The following TENM4 variants were observed in gnomAD, a reference collection of about 807,000 sequenced individuals.
TENM4 encodes the protein teneurin transmembrane protein 4, also known as teneurin-4.
Under a neutral mutation model 243.3 loss-of-function variants are expected in TENM4, and 82 were observed. The observed-to-expected ratio is 0.34, with a 90% confidence interval of 0.28 to 0.40. The LOEUF is 0.40. TENM4 is among the 10% of genes least tolerant of loss of function. The probability of loss-of-function intolerance (pLI) is 1.00; values close to 1 mark genes in which losing one functional copy is unlikely to be tolerated. For synonymous variants in TENM4, 1,412 were observed against 1,456.3 expected, an observed-to-expected ratio of 0.97 and a Z score of 0.69; for missense variants, 3,138 against 3,673.3, an observed-to-expected ratio of 0.85 and a Z score of 3.77.
At chr11:79,182,441 C>T (rs192612340) in intron 3 of TENM4, among the ~76,000 whole-genome samples, 97 of 152,038 alleles carry the variant, frequency 6.4e-4, no homozygotes, top group Middle Eastern at 6.8e-3. Flanking sequence ...AGAATTAACT[C>T]GAAATGTAAA....
At chr11:78,935,113 G>A (rs1393471560) in intron 6 of TENM4, among the ~76,000 whole-genome samples, 3 of 142,446 alleles carry the variant, frequency 2.1e-5, no homozygotes, top group Non-Finnish European at 3.0e-5. Context: ...CCGGGTTCAC[G>A]CCATTCTCCT....
rs781726903 is a variant in TENM4, at chr11:78,658,825, G to A, written c.7552-9C>T. 2 of 1,603,644 alleles carry A rather than the reference G, an allele frequency of 1.2e-6. No homozygotes were observed. The highest frequency in any genetic ancestry group is 1.7e-6 in the Non-Finnish European group (2 of 1,172,620). On this transcript the variant is annotated splice_polypyrimidine_tract_variant and intron_variant, in intron 33 of 33. Transcript: ENST00000278550. Reference sequence around the variant, plus strand: ...TGTACCCCGAGGATAGACTGATGGGGGAGGAGAGTGAGAGAGAGAGTAAGA... The same window carrying A: ...TGTACCCCGAGGATAGACTGATGGGAGAGGAGAGTGAGAGAGAGAGTAAGA...
intron 19 of TENM4, among the ~76,000 whole-genome samples, chr11:78,739,855 C>T (rs1005847779): frequency 7.9e-5 from 12 of 152,120 alleles, no homozygotes; most frequent in African/African-American, 2.9e-4. Flanking sequence ...AAACTGGTTT[C>T]CAGAGAGGTT....
rs1004841649 is a variant in TENM4 at position 79,095,279 on chromosome 11, G to A, written c.-65-25270C>T. ...GAAGCTCTGAGAGGGCAGGTGCCTC[G>A]CCCAGGTGGTAAGCAGCAGGGCAGG... On this transcript the variant is annotated intron_variant, in intron 4 of 33. Coordinates refer to ENST00000278550, the MANE Select transcript of TENM4 (RefSeq NM_001098816.3). 5.3e-5 allele frequency among the ~76,000 whole-genome samples: 8 copies of A among 152,124 alleles called. No individual in the cohort carries two copies. The East Asian group carries it at 9.6e-4, about 18-fold the overall frequency.
In TENM4 at chr11:78,689,718, T is replaced by C. The variant is rs371849186; in HGVS notation, c.5088-1492A>G. Among the ~76,000 whole-genome samples, 4 of 152,164 alleles carry C rather than the reference T, an allele frequency of 2.6e-5. No individual in the cohort carries two copies. The South Asian group carries it at 8.3e-4, about 32-fold the overall frequency. Reference sequence around the variant, plus strand: ...GGAATTCTCTGCCCAAGGTCAGACTTGGGTGCTGCACTACAGACTCTGCCA... The same window carrying C: ...GGAATTCTCTGCCCAAGGTCAGACTCGGGTGCTGCACTACAGACTCTGCCA... On this transcript the variant is annotated intron_variant, in intron 28 of 33. Transcript: ENST00000278550.
In TENM4 at chr11:78,745,329, C is replaced by T. The variant is rs58513073; in HGVS notation, c.2757-6759G>A. ...GGAACCTCCACCTACTGGGTTCAAG[C>T]GATTCTTGTGCCTCAGCCTCCTGAG... On this transcript the variant is annotated intron_variant, in intron 19 of 33. Transcript: ENST00000278550. Among the ~76,000 whole-genome samples the T allele has an allele frequency of 6.0e-5, 9 of 150,198 alleles. No individual in the cohort carries two copies. In the East Asian group the frequency reaches 1.6e-3, roughly 26 times the overall value.
intron 1 of TENM4, among the ~76,000 whole-genome samples, chr11:79,423,348 C>T (rs1858977639): frequency 6.6e-6 from 1 of 151,258 alleles, no homozygotes; most frequent in African/African-American, 2.4e-5. Context: ...AGTGAAGACA[C>T]TTCCTACGGC....
intron 3 of TENM4, among the ~76,000 whole-genome samples, chr11:79,149,552 T>TA (rs11417895): frequency 0.5 from 75,348 of 151,896 alleles, 20,094 homozygotes; most frequent in African/African-American, 0.69. Context: ...TATAGGTTTT[T>TA]AAAAAACATC....
At chr11:79,009,784 G>A (rs1163439629) in intron 6 of TENM4, among the ~76,000 whole-genome samples, 1 of 152,164 alleles carries the variant, frequency 6.6e-6, no homozygotes, top group Non-Finnish European at 1.5e-5. Context: ...CCCAGTGTAA[G>A]CTTTCCCCGA....
intron 15 of TENM4, among the ~76,000 whole-genome samples, chr11:78,798,391 T>C (rs1198106846): frequency 1.3e-5 from 2 of 152,042 alleles, no homozygotes; most frequent in Non-Finnish European, 2.9e-5. Context: ...TCCCTTTGGG[T>C]AGGGGAGGAG....
At chr11:78,773,661 T>C (rs553835894) in intron 17 of TENM4, among the ~76,000 whole-genome samples, 1 of 152,316 alleles carries the variant, frequency 6.6e-6, no homozygotes, top group South Asian at 2.1e-4. Context: ...CCGTTATAGC[T>C]TGAAAGCAGC....
intron 12 of TENM4, among the ~76,000 whole-genome samples, chr11:78,851,704 C>T (rs920657800): frequency 3.3e-5 from 5 of 152,040 alleles, no homozygotes; most frequent in Non-Finnish European, 5.9e-5. Context: ...TCATCCTATC[C>T]GGAGAGAAAA....
intron 4 of TENM4, among the ~76,000 whole-genome samples, chr11:79,131,749 C>T (rs1468712563): frequency 6.6e-6 from 1 of 152,188 alleles, no homozygotes; most frequent in African/African-American, 2.4e-5. Flanking sequence ...GATACAGAAC[C>T]GCAGGGTGGA....
chr11:79,244,865 A>G (rs77676016), intron 2 of TENM4, among the ~76,000 whole-genome samples: 149 of 152,310 alleles, frequency 9.8e-4, no homozygotes, highest in African/African-American at 3.4e-3. Context: ...AGAGACCTTC[A>G]GGCTGAAGGA....
chr11:78,855,833 T>A (rs896331688), intron 11 of TENM4, 131 bp downstream of exon 11: 15 of 864,466 alleles, frequency 1.7e-5, no homozygotes, highest in Non-Finnish European at 2.7e-5. Flanking sequence ...AGGGACTACA[T>A]GAATGAATGG....
chr11:79,244,161 G>A (rs983000906), intron 2 of TENM4, among the ~76,000 whole-genome samples: 1 of 152,206 alleles, frequency 6.6e-6, no homozygotes, highest in African/African-American at 2.4e-5. Context: ...TGTTGGATGG[G>A]CCTGAGAACT....
At chr11:79,056,415 G>A (rs543902365) in intron 6 of TENM4, among the ~76,000 whole-genome samples, 84 of 152,094 alleles carry the variant, frequency 5.5e-4, no homozygotes, top group African/African-American at 2.0e-3. Context: ...AGCAGGAAGC[G>A]GTTATGGGGT....
At chr11:79,005,748 A>T (rs1167270498) in intron 6 of TENM4, among the ~76,000 whole-genome samples, 1 of 152,192 alleles carries the variant, frequency 6.6e-6, no homozygotes, top group Non-Finnish European at 1.5e-5. Flanking sequence ...TAGCCAAAGC[A>T]ATCAAGAAAA....
intron 6 of TENM4, among the ~76,000 whole-genome samples, chr11:79,011,114 C>T (rs571206562): frequency 6.6e-6 from 1 of 152,348 alleles, no homozygotes; most frequent in South Asian, 2.1e-4. Context: ...CTTTTTGAAA[C>T]CTACCCTGAA....
Sources: allele counts gnomAD v4.1 joint callset (sites outside exome capture counted in the v4.1 genomes callset), GRCh38; gene constraint gnomAD v4.1.1; transcripts MANE v1.5; gene names NCBI Gene and HGNC (gene_info 2026-07-23, HGNC 2026-07-21).